ACOXL: variants seen among roughly 807,000 people sequenced by gnomAD.
The protein encoded by ACOXL is acyl-CoA oxidase like, also known as acyl-coenzyme A oxidase-like protein.
Under a neutral mutation model 71.9 loss-of-function variants are expected in ACOXL, and 70 were observed. The observed-to-expected ratio is 0.97, with a 90% CI of 0.80 to 1.19. The LOEUF (loss-of-function observed/expected upper bound fraction) is 1.19. Ranked by LOEUF, ACOXL falls within the 50% of genes most tolerant of loss-of-function variation. The probability of loss-of-function intolerance (pLI) is 0.00; values close to 1 mark genes in which losing one functional copy is unlikely to be tolerated. For missense variants in ACOXL, 703 were observed against 736.3 expected (o/e 0.95, Z 0.52); for synonymous variants, 253 against 281.6 (o/e 0.90, Z 1.02).
intron 16 of ACOXL, among the ~76,000 whole-genome samples, chr2:111,088,409 G>C (rs918105077): frequency 1.3e-5 from 2 of 152,100 alleles, no homozygotes; most frequent in African/African-American, 4.8e-5. Context: ...CCCATTAATG[G>C]TAGGCTTCGT....
chr2:110,769,072 T>A (rs1681514659), intron 2 of ACOXL, among the ~76,000 whole-genome samples: 1 of 152,144 alleles, frequency 6.6e-6, no homozygotes, highest in South Asian at 2.1e-4. Context: ...ACCCATATAA[T>A]TTTAGGGATA....
chr2:111,045,621 T>C (rs1367118318), intron 15 of ACOXL, among the ~76,000 whole-genome samples: 1 of 149,950 alleles, frequency 6.7e-6, no homozygotes, highest in African/African-American at 2.5e-5. Flanking sequence ...GGTATGTCTT[T>C]ATGAAAACCT....
In ACOXL at chr2:111,051,500, C is replaced by G. The variant is rs193157615; in HGVS notation, c.1440+2212C>G. Among the ~76,000 whole-genome samples, 1,420 of 152,228 alleles carry G rather than the reference C, an allele frequency of 9.3e-3. 19 individuals are homozygous for G. The highest frequency in any genetic ancestry group is 0.034 in the Middle Eastern group (10 of 294). Reference sequence around the variant, plus strand: ...ATATATTTTTTTGAGACAGAGTCTTCTTCTGTCACCCAGGCTGGAGTGCAG... The same window carrying G: ...ATATATTTTTTTGAGACAGAGTCTTGTTCTGTCACCCAGGCTGGAGTGCAG... On this transcript the variant is annotated intron_variant, in intron 16 of 17. Coordinates refer to ENST00000439055, the MANE Select transcript of ACOXL (RefSeq NM_001142807.4).
chr2:110,881,739 C>T (rs1696676442), intron 10 of ACOXL, among the ~76,000 whole-genome samples: 1 of 152,176 alleles, frequency 6.6e-6, no homozygotes, highest in South Asian at 2.1e-4. Context: ...ACAGTATATA[C>T]TCATTTCAGT....
chr2:110,800,764 G>A (rs1398889981), intron 7 of ACOXL, among the ~76,000 whole-genome samples: 2 of 152,172 alleles, frequency 1.3e-5, no homozygotes, highest in Non-Finnish European at 2.9e-5. Context: ...CCGCAGGTGG[G>A]TTTGTGAGGG....
chr2:110,872,360 C>A (rs931335671), intron 10 of ACOXL, among the ~76,000 whole-genome samples: 1 of 152,178 alleles, frequency 6.6e-6, no homozygotes, highest in Admixed American at 6.5e-5. Flanking sequence ...ATTTGTGGCT[C>A]CCTTGAATTC....
At chr2:110,768,338 G>A in intron 1 of ACOXL, 30 bp from the exon 2 acceptor site, 1 of 1,586,966 alleles carries the variant, frequency 6.3e-7, no homozygotes, top group South Asian at 1.1e-5. Context: ...CCAATTATTG[G>A]CTGTCTTATT....
At chr2:111,104,202 G>T (rs890474660) in intron 17 of ACOXL, among the ~76,000 whole-genome samples, 4 of 152,156 alleles carry the variant, frequency 2.6e-5, no homozygotes, top group African/African-American at 9.7e-5. Context: ...ACTACACATG[G>T]ACTGCAGTTT....
intron 10 of ACOXL, among the ~76,000 whole-genome samples, chr2:110,896,958 A>G (rs916439942): frequency 6.6e-6 from 1 of 152,166 alleles, no homozygotes; most frequent in African/African-American, 2.4e-5. Context: ...AACATTACCA[A>G]GATACACCAT....
At chr2:111,048,852 A>G (rs984900920) in intron 15 of ACOXL, among the ~76,000 whole-genome samples, 10 of 152,148 alleles carry the variant, frequency 6.6e-5, no homozygotes, top group African/African-American at 2.4e-4. Context: ...GCACTGTCAA[A>G]TTTACAAAGG....
At chr2:110,785,777 A>T (rs1683890803) in intron 3 of ACOXL, among the ~76,000 whole-genome samples, 1 of 152,148 alleles carries the variant, frequency 6.6e-6, no homozygotes, top group African/African-American at 2.4e-5. Flanking sequence ...TCCCTTAGGT[A>T]TTCAACTAGG....
chr2:110,799,398 G>A (rs1292206751), intron 7 of ACOXL, among the ~76,000 whole-genome samples: 1 of 152,094 alleles, frequency 6.6e-6, no homozygotes, highest in East Asian at 1.9e-4. Flanking sequence ...CTGAGACTTG[G>A]GGGCTCTCAG....
intron 9 of ACOXL, among the ~76,000 whole-genome samples, chr2:110,832,468 G>A (rs974590419): frequency 2.2e-4 from 34 of 151,368 alleles, no homozygotes; most frequent in African/African-American, 8.0e-4. Flanking sequence ...AACCCGGGAA[G>A]CGGAGCTTGC....
At chr2:111,034,008 C>G (rs2065395690) in intron 15 of ACOXL, among the ~76,000 whole-genome samples, 1 of 152,240 alleles carries the variant, frequency 6.6e-6, no homozygotes, top group Non-Finnish European at 1.5e-5. Flanking sequence ...CCTTGGGCTG[C>G]ACAGCCTGCT....
At chr2:110,788,993 A>G (rs756975651) in intron 3 of ACOXL, among the ~76,000 whole-genome samples, 8 of 152,174 alleles carry the variant, frequency 5.3e-5, no homozygotes, top group African/African-American at 1.4e-4. Context: ...GTCAGCATCA[A>G]TTCATCAAAA....
intron 9 of ACOXL, among the ~76,000 whole-genome samples, chr2:110,810,612 T>C (rs549358478): frequency 6.6e-6 from 1 of 152,016 alleles, no homozygotes; most frequent in South Asian, 2.1e-4. Context: ...TCATCATCTG[T>C]TCATCCATCC....
At chr2:110,812,263 A>G (rs1042311836) in intron 9 of ACOXL, among the ~76,000 whole-genome samples, 5 of 152,184 alleles carry the variant, frequency 3.3e-5, no homozygotes, top group African/African-American at 9.7e-5. Flanking sequence ...TTGGTTTTCT[A>G]TAGCAGTTGT....
At chr2:110,965,539 G>C (rs1225273969) in intron 12 of ACOXL, among the ~76,000 whole-genome samples, 1 of 152,180 alleles carries the variant, frequency 6.6e-6, no homozygotes, top group East Asian at 1.9e-4. Flanking sequence ...AAGGTGATGT[G>C]TTGTGCTATG....
intron 11 of ACOXL, among the ~76,000 whole-genome samples, chr2:110,920,922 T>A (rs1202206504): frequency 6.6e-6 from 1 of 152,216 alleles, no homozygotes; most frequent in East Asian, 1.9e-4. Context: ...CTAAGCATTT[T>A]ACCTTTTTGA....
Sources: allele counts gnomAD v4.1 joint callset (sites outside exome capture counted in the v4.1 genomes callset), GRCh38; gene constraint gnomAD v4.1.1; transcripts MANE v1.5; gene names NCBI Gene and HGNC (gene_info 2026-07-23, HGNC 2026-07-21).